ST6GALNAC3: variants seen among roughly 807,000 people sequenced by gnomAD.
ST6GALNAC3 encodes the protein ST6 N-acetylgalactosaminide alpha-2,6-sialyltransferase 3.
A neutral mutation model predicts 32.7 loss-of-function variants in ST6GALNAC3; 25 were observed. That is an observed-to-expected ratio of 0.76 (90% CI 0.56 to 1.07). ST6GALNAC3 has a LOEUF of 1.07. Ranked by LOEUF, ST6GALNAC3 falls within the 50% of genes least tolerant of loss-of-function variation. The pLI is 0.00. For missense variants in ST6GALNAC3, 355 were observed against 382.4 expected (o/e 0.93, Z 0.60); for synonymous variants, 129 against 133.1 (o/e 0.97, Z 0.21).
chr1:76,558,377 T>C (rs1163257333), intron 3 of ST6GALNAC3, among the ~76,000 whole-genome samples: 1 of 151,972 alleles, frequency 6.6e-6, no homozygotes, highest in Non-Finnish European at 1.5e-5. Flanking sequence ...ATAAAGAAAA[T>C]GTACATATAC....
intron 1 of ST6GALNAC3, among the ~76,000 whole-genome samples, chr1:76,251,756 T>A (rs1218425784): frequency 6.6e-6 from 1 of 152,128 alleles, no homozygotes; most frequent in Non-Finnish European, 1.5e-5. Context: ...CTGATGCATT[T>A]TTCAATCTCT....
intron 1 of ST6GALNAC3, among the ~76,000 whole-genome samples, chr1:76,135,700 A>G (rs554292312): frequency 6.6e-6 from 1 of 152,290 alleles, no homozygotes; most frequent in South Asian, 2.1e-4. Flanking sequence ...TAGTGGAGCT[A>G]CCTGTCACCC....
chr1:76,284,057 G>A (rs932043005), intron 1 of ST6GALNAC3, among the ~76,000 whole-genome samples: 24 of 151,980 alleles, frequency 1.6e-4, no homozygotes, highest in Non-Finnish European at 3.5e-4. Flanking sequence ...GGAGAACTGA[G>A]TTAGAAATGC....
At chr1:76,597,664 T>C (rs570901355) in intron 3 of ST6GALNAC3, among the ~76,000 whole-genome samples, 19 of 152,232 alleles carry the variant, frequency 1.2e-4, no homozygotes, top group South Asian at 4.1e-4. Context: ...ATTGGTTACT[T>C]TGGACTTAAC....
intron 3 of ST6GALNAC3, among the ~76,000 whole-genome samples, chr1:76,520,090 T>A (rs1035559535): frequency 6.6e-6 from 1 of 152,170 alleles, no homozygotes; most frequent in Non-Finnish European, 1.5e-5. Context: ...AGTGGTTACC[T>A]TTTTGCTTGT....
chr1:76,303,018 T>C lies in ST6GALNAC3; in HGVS notation c.19-10787T>C, dbSNP rs989735181. 2.9e-5 allele frequency among the ~76,000 whole-genome samples: 4 copies of C among 135,656 alleles called. No homozygotes were observed. The Admixed American group carries it at 3.1e-4, about 11-fold the overall frequency. 89.0% of individuals were successfully genotyped at this position (135,656 alleles called of 152,430 possible). On this transcript the variant is annotated intron_variant, in intron 1 of 4. Transcript: ENST00000328299. ...TGTAAATGAAGTGGTGTTCACCTCA[T>C]GTAAATGAAGTGGTGGTCTGCAACC...
intron 2 of ST6GALNAC3, among the ~76,000 whole-genome samples, chr1:76,394,324 T>G (rs1652781043): frequency 6.6e-6 from 1 of 152,182 alleles, no homozygotes; most frequent in Non-Finnish European, 1.5e-5. Context: ...TGAGATGAGA[T>G]GAAAGTGAAA....
chr1:76,162,617 A>G (rs1324358243), intron 1 of ST6GALNAC3, among the ~76,000 whole-genome samples: 2 of 152,224 alleles, frequency 1.3e-5, no homozygotes. Flanking sequence ...TAAGACAATC[A>G]TGAGCCAGCT....
In ST6GALNAC3 at chr1:76,509,123, A is replaced by G. The variant is rs544773080; in HGVS notation, c.623+96706A>G. 2.0e-4 allele frequency among the ~76,000 whole-genome samples: 30 copies of G among 152,304 alleles called. No individual in the cohort carries two copies. The highest frequency in any genetic ancestry group is 7.0e-4 in the African/African-American group (29 of 41,574). ...GAAACACCAACAGAGTTGTTCGTCA[A>G]TTGTTGATGTAGTGTAAAATGATTT... On this transcript the variant is annotated intron_variant, in intron 3 of 4. Transcript: ENST00000328299. The surrounding 1 kb of genome is among the most constrained non-coding windows in gnomAD (Gnocchi z 5.5).
chr1:76,388,923 T>C (rs939926463), intron 2 of ST6GALNAC3, among the ~76,000 whole-genome samples: 1 of 152,140 alleles, frequency 6.6e-6, no homozygotes, highest in Non-Finnish European at 1.5e-5. Context: ...GTTTTGTAAA[T>C]TCATCTATAT....
chr1:76,181,112 C>G (rs432956), intron 1 of ST6GALNAC3, among the ~76,000 whole-genome samples: 29,917 of 152,206 alleles, frequency 0.2, 3,064 homozygotes, highest in African/African-American at 0.22. Context: ...TGCACCTGTC[C>G]GTCTGCATGC....
intron 3 of ST6GALNAC3, among the ~76,000 whole-genome samples, chr1:76,601,723 C>T (rs745914688): frequency 2.9e-4 from 44 of 152,108 alleles, no homozygotes; most frequent in Non-Finnish European, 5.7e-4. Context: ...CTGAAGGAAA[C>T]CATTTGGAAT....
At chr1:76,321,746 T>C (rs1646971744) in intron 2 of ST6GALNAC3, among the ~76,000 whole-genome samples, 2 of 152,180 alleles carry the variant, frequency 1.3e-5, no homozygotes, top group Non-Finnish European at 2.9e-5. Context: ...CCTTTTGTGG[T>C]AGAAAAATGA....
chr1:76,301,955 T>C (rs1195724385), intron 1 of ST6GALNAC3, among the ~76,000 whole-genome samples: 4 of 152,016 alleles, frequency 2.6e-5, no homozygotes, highest in Admixed American at 6.6e-5. Flanking sequence ...GCTTTCCTTA[T>C]GGACTTCTGG....
At chr1:76,197,122 C>T (rs1248035766) in intron 1 of ST6GALNAC3, among the ~76,000 whole-genome samples, 2 of 152,190 alleles carry the variant, frequency 1.3e-5, no homozygotes, top group Non-Finnish European at 1.5e-5. Flanking sequence ...TGGCTCTAAG[C>T]TCCCTGACTT....
intron 3 of ST6GALNAC3, among the ~76,000 whole-genome samples, chr1:76,505,614 A>C (rs1038409603): frequency 3.3e-5 from 5 of 152,176 alleles, no homozygotes; most frequent in African/African-American, 1.2e-4. Context: ...TTTATTTCCA[A>C]AGAAGCAAAG....
intron 1 of ST6GALNAC3, among the ~76,000 whole-genome samples, chr1:76,134,751 C>G (rs1214548315): frequency 1.3e-5 from 2 of 152,192 alleles, no homozygotes; most frequent in South Asian, 4.1e-4. Flanking sequence ...GTGTCTGTGT[C>G]ATGAAAAGCA....
intron 1 of ST6GALNAC3, among the ~76,000 whole-genome samples, chr1:76,111,640 C>T (rs1322428256): frequency 6.7e-6 from 1 of 149,514 alleles, no homozygotes; most frequent in African/African-American, 2.5e-5. Flanking sequence ...GGTGATGACT[C>T]TTAACGAGCA....
At chr1:76,504,826 T>C (rs74089979) in intron 3 of ST6GALNAC3, among the ~76,000 whole-genome samples, 2,699 of 152,274 alleles carry the variant, frequency 0.018, 92 homozygotes, top group African/African-American at 0.062. Context: ...CAATACTAGG[T>C]ATTCAGTTAT....
Sources: gnomAD v4.1 joint callset for allele counts (sites outside exome capture counted in the v4.1 genomes callset) on GRCh38, gnomAD v4.1.1 for gene constraint, Gnocchi (gnomAD v3.1) non-coding constraint, MANE v1.5 for transcripts, NCBI Gene and HGNC (gene_info 2026-07-23, HGNC 2026-07-21) for gene names.